The following PCDHA1 variants were observed in gnomAD, a reference collection of about 807,000 sequenced individuals.
PCDHA1 encodes the protein protocadherin alpha-1.
Under a neutral mutation model 61.3 loss-of-function variants are expected in PCDHA1, and 42 were observed. That is an observed-to-expected ratio of 0.69 (90% confidence interval 0.54 to 0.89). The LOEUF (loss-of-function observed/expected upper bound fraction) is 0.89, where lower values mean the gene tolerates loss of function less well. Among genes scored for constraint, PCDHA1 ranks in the 40% least tolerant of loss-of-function variants. The probability of loss-of-function intolerance (pLI) is 0.00; values close to 1 mark genes in which losing one functional copy is unlikely to be tolerated. For synonymous variants in PCDHA1, 610 were observed against 553.8 expected (o/e 1.10, Z -1.43); for missense variants, 1,256 against 1,235.3 (o/e 1.02, Z -0.25).
chr5:140,818,627 A>C (rs1301617246), intron 1 of PCDHA1, among the ~76,000 whole-genome samples: 8 of 152,204 alleles, frequency 5.3e-5, no homozygotes, highest in African/African-American at 1.9e-4. Context: ...GCTTGAGCCC[A>C]GGAGTTCAAG....
rs149296153 is a variant in PCDHA1, at chr5:140,837,442, G to A, written c.2394+48758G>A. Among the ~76,000 whole-genome samples the A allele has an allele frequency of 1.9e-4, 29 of 151,938 alleles. No individual in the cohort carries two copies. The East Asian group carries it at 5.2e-3, about 27-fold the overall frequency. Reference sequence around the variant, plus strand: ...AATTTCAAAGAGTGAAATCTAGTACGTAGTAAAAAATCTCCTTGCCTCCTC... The same window carrying A: ...AATTTCAAAGAGTGAAATCTAGTACATAGTAAAAAATCTCCTTGCCTCCTC... On this transcript the variant is annotated intron_variant, in intron 1 of 3. Coordinates refer to ENST00000504120, the MANE Select transcript of PCDHA1 (RefSeq NM_018900.4).
In PCDHA1 at chr5:140,966,434, C is replaced by G. The variant is rs889087342; in HGVS notation, c.2395-12515C>G. 9 of 423,984 alleles carry G rather than the reference C, an allele frequency of 2.1e-5. No individual in the cohort carries two copies. In the Admixed American group the frequency reaches 3.9e-4, roughly 19 times the overall value. The allele number at this position is 423,984 out of a possible 1,614,324, so 26.3% of individuals were successfully genotyped here. On this transcript the variant is annotated intron_variant, in intron 1 of 3. Coordinates refer to ENST00000504120, the MANE Select transcript of PCDHA1 (RefSeq NM_018900.4). ...GAGCAGGACTTGCTGAGCCCTCCTA[C>G]CGCTCCCTTTCCCCCTCCCCCTCTG...
chr5:140,870,447 C>T (rs1554164277), intron 1 of PCDHA1: 15 of 1,614,216 alleles, frequency 9.3e-6, no homozygotes, highest in Non-Finnish European at 9.3e-6. Flanking sequence ...CCGACGTGAA[C>T]GACAATGCGC....
At position 140,786,670 on chromosome 5, in the gene PCDHA1, A is replaced by G. The variant is rs1554117501; in HGVS notation, c.380A>G (p.Asn127Ser). 1.2e-6 allele frequency: 2 copies of G among 1,614,106 alleles called. No individual in the cohort carries two copies. Among genetic ancestry groups the G allele is most frequent in the Non-Finnish European group, 1.7e-6 (2 of 1,180,036 alleles). ...FHVEVKVKDI[N>S]DNPPVFRGRE... ...GTGGAGGTGAAGGTGAAAGACATTA[A>G]CGATAATCCACCCGTCTTCAGGGGC... Residue 127 changes from asparagine to serine, a missense_variant, in exon 1 of 4, where the codon AAC becomes AGC. Physicochemically the swap from Asn to Ser is conservative, Grantham distance 46. Coordinates refer to ENST00000504120, the MANE Select transcript of PCDHA1 (RefSeq NM_018900.4).
At chr5:140,886,759 G>A (rs541111444) in intron 1 of PCDHA1, among the ~76,000 whole-genome samples, 221 of 150,566 alleles carry the variant, frequency 1.5e-3, no homozygotes, top group Non-Finnish European at 2.7e-3. Flanking sequence ...CCGGGAGGTG[G>A]AGGTTGCAGT....
intron 1 of PCDHA1, chr5:140,929,151 T>C: frequency 6.2e-7 from 1 of 1,614,202 alleles, no homozygotes; most frequent in East Asian, 2.2e-5. Context: ...TTTCTCAGAC[T>C]TATCTCTATC....
chr5:140,906,120 A>C (rs1554192404), intron 1 of PCDHA1, among the ~76,000 whole-genome samples: 1 of 152,134 alleles, frequency 6.6e-6, no homozygotes, highest in East Asian at 1.9e-4. Flanking sequence ...CCACTGACAC[A>C]AATGTTAGTC....
At chr5:140,803,740 G>A (rs2240693) in intron 1 of PCDHA1, 1 of 1,352,158 alleles carries the variant, frequency 7.4e-7, no homozygotes, top group Non-Finnish European at 1.0e-6. Context: ...GGTTAAAACG[G>A]TAAGATTTTT....
chr5:140,852,628 G>A, intron 1 of PCDHA1: 1 of 953,102 alleles, frequency 1.0e-6, no homozygotes, highest in Non-Finnish European at 1.3e-6. Context: ...TGGTCTCTGA[G>A]CTCCTGTCAT....
intron 1 of PCDHA1, among the ~76,000 whole-genome samples, chr5:140,838,872 G>A (rs2150293178): frequency 6.6e-6 from 1 of 152,012 alleles, no homozygotes; most frequent in Non-Finnish European, 1.5e-5. Flanking sequence ...CAGTTATCAT[G>A]CCACTGAACT....
At chr5:140,848,914 T>G in intron 1 of PCDHA1, 4 of 1,608,096 alleles carry the variant, frequency 2.5e-6, no homozygotes, top group Non-Finnish European at 3.4e-6. Context: ...CAAAAGAATC[T>G]GTTCATCGCG....
chr5:140,982,482 C>T lies in PCDHA1; in HGVS notation c.2461C>T (p.His821Tyr), dbSNP rs782273708. 1.9e-6 allele frequency: 3 copies of T among 1,614,054 alleles called. No individual in the cohort carries two copies. Among genetic ancestry groups the T allele is most frequent in the East Asian group, 4.5e-5 (2 of 44,894 alleles). The change falls in exon 3 of 4, where the codon CAC (histidine) becomes TAC (tyrosine). Residue 821 changes from histidine to tyrosine, a missense_variant. Physicochemically the swap from His to Tyr is moderately conservative, Grantham distance 83. Transcript: ENST00000504120. ...SLRAGMHSSV[H>Y]LEEAGILRAG... ...GTCTGTGTGTTTATTCAGCTCTGTGCACCTAGAGGAGGCTGGCATTCTACG... is the reference window on the plus strand; with the variant it reads ...GTCTGTGTGTTTATTCAGCTCTGTGTACCTAGAGGAGGCTGGCATTCTACG...
At chr5:140,856,743 T>A in intron 1 of PCDHA1, 1 of 1,596,776 alleles carries the variant, frequency 6.3e-7, no homozygotes, top group Non-Finnish European at 8.6e-7. Flanking sequence ...ATCCTGGTGT[T>A]AGATGCCAAT....
intron 3 of PCDHA1, among the ~76,000 whole-genome samples, chr5:140,988,486 T>C (rs2153874124): frequency 6.6e-6 from 1 of 152,286 alleles, no homozygotes; most frequent in South Asian, 2.1e-4. Context: ...TAGCATCCCC[T>C]ACCTAGGAGA....
At chr5:140,927,540 C>T (rs1376391756) in intron 1 of PCDHA1, 6 of 1,614,136 alleles carry the variant, frequency 3.7e-6, no homozygotes, top group African/African-American at 2.7e-5. Flanking sequence ...GCTCAGGAGA[C>T]GCACAAGTCA....
chr5:140,920,060 G>T (rs565038135), intron 1 of PCDHA1, among the ~76,000 whole-genome samples: 1 of 152,264 alleles, frequency 6.6e-6, no homozygotes, highest in African/African-American at 2.4e-5. Context: ...CCAACACCTG[G>T]AAAAGGCAGA....
intron 1 of PCDHA1, chr5:140,841,516 G>T: frequency 6.2e-7 from 1 of 1,612,986 alleles, no homozygotes; most frequent in South Asian, 1.1e-5. Flanking sequence ...GCCTGTTCCG[G>T]GTGGCGTCCA....
At chr5:140,868,032 C>T (rs1456286268) in intron 1 of PCDHA1, 1 of 152,026 alleles carries the variant, frequency 6.6e-6, no homozygotes, top group Non-Finnish European at 1.5e-5. Flanking sequence ...ATGTTGGTGA[C>T]TTGGAAATAC....
intron 1 of PCDHA1, chr5:140,843,656 G>C (rs1294872443): frequency 1.9e-6 from 3 of 1,594,636 alleles, no homozygotes; most frequent in Non-Finnish European, 2.6e-6. Context: ...CCTTCCTCCT[G>C]ATCTGGGATC....
Sources: gnomAD v4.1 joint callset for allele counts (sites outside exome capture counted in the v4.1 genomes callset) on GRCh38, gnomAD v4.1.1 for gene constraint, MANE v1.5 for transcripts, NCBI Gene and HGNC (gene_info 2026-07-23, HGNC 2026-07-21) for gene names.